Variants in TTC17 observed in about 807,000 individuals in gnomAD.
The protein encoded by TTC17 is tetratricopeptide repeat protein 17.
In TTC17, 58 loss-of-function variants were observed where a neutral mutation model predicts 143.8. The ratio of observed to expected loss-of-function variants is 0.40; its 90% CI spans 0.33 to 0.50. The LOEUF (loss-of-function observed/expected upper bound fraction) is 0.50. TTC17 is among the 20% of genes least tolerant of loss of function. TTC17 has a pLI of 0.49. For missense variants in TTC17, 1,273 were observed against 1,392.5 expected (o/e 0.91, Z 1.37); for synonymous variants, 501 against 497.8 (o/e 1.01, Z -0.09).
At chr11:43,429,165 A>G (rs1337595809) in intron 16 of TTC17, among the ~76,000 whole-genome samples, 2 of 152,226 alleles carry the variant, frequency 1.3e-5, no homozygotes, top group Non-Finnish European at 2.9e-5. Context: ...GTATGCTTAT[A>G]TTAGCAGTGG....
rs1480122001 is a variant in TTC17, at chr11:43,487,326, A to T, written c.3031-2913A>T. Among the ~76,000 whole-genome samples, 6 of 151,942 alleles carry T rather than the reference A, an allele frequency of 3.9e-5. No individual in the cohort carries two copies. The South Asian group carries it at 1.0e-3, about 26-fold the overall frequency. The stretch of plus-strand genomic sequence containing the variant: ...ACACCAGGCTAATTTTTGTATTTTT[A>T]GTATAGACGGGTTTTCAGTGTGTTG... On this transcript the variant is annotated intron_variant, in intron 21 of 23. Transcript: ENST00000039989.
intron 14 of TTC17, 29 bp from the exon 15 acceptor site, chr11:43,407,324 A>G: frequency 1.9e-6 from 3 of 1,602,860 alleles, no homozygotes; most frequent in Non-Finnish European, 1.7e-6. Flanking sequence ...GTATTCTTGT[A>G]CTAACTGAAG....
At chr11:43,458,289 CTCT>C (rs1947801538) in intron 21 of TTC17, among the ~76,000 whole-genome samples, 1 of 152,134 alleles carries the variant, frequency 6.6e-6, no homozygotes, top group South Asian at 2.1e-4. Context: ...TCTACATGGT[CTCT>C]TAAGTACCAT....
chr11:43,490,369 C>T lies in TTC17; in HGVS notation c.3150+11C>T, dbSNP rs1338834325. On this transcript the variant is annotated intron_variant, in intron 22 of 23. Transcript: ENST00000039989. ...CCACACCAGATGAAGGTGAGTGGGA[C>T]TCAGAAGGTGGGAACTTCTGCCCCT... 3 of 1,589,340 alleles carry T rather than the reference C, an allele frequency of 1.9e-6. No homozygotes were observed. The highest frequency in any genetic ancestry group is 2.6e-6 in the Non-Finnish European group (3 of 1,163,754).
chr11:43,378,430 C>G (rs1223494519), intron 1 of TTC17, among the ~76,000 whole-genome samples: 1 of 152,116 alleles, frequency 6.6e-6, no homozygotes, highest in Admixed American at 6.6e-5. Flanking sequence ...TTCCTGTATC[C>G]CATTCCATTG....
intron 16 of TTC17, among the ~76,000 whole-genome samples, chr11:43,424,417 G>GTAA (rs1946977369): frequency 6.6e-6 from 1 of 151,612 alleles, no homozygotes; most frequent in African/African-American, 2.4e-5. Flanking sequence ...TAAAAAACAT[G>GTAA]TAATAATAAT....
intron 1 of TTC17, among the ~76,000 whole-genome samples, chr11:43,375,743 A>G (rs538044444): frequency 2.0e-5 from 3 of 152,242 alleles, no homozygotes; most frequent in African/African-American, 7.2e-5. Context: ...GTTTTCTGCC[A>G]TAAAGAATAA....
At chr11:43,450,404 G>C (rs763203382) in intron 20 of TTC17, among the ~76,000 whole-genome samples, 163 bp downstream of exon 20, 2 of 152,196 alleles carry the variant, frequency 1.3e-5, no homozygotes, top group Non-Finnish European at 2.9e-5. Context: ...ATTTCTTTCA[G>C]GCCCTGGGAC....
chr11:43,381,859 G>T (rs946663256), intron 2 of TTC17, among the ~76,000 whole-genome samples: 4 of 152,174 alleles, frequency 2.6e-5, no homozygotes, highest in Admixed American at 6.5e-5. Flanking sequence ...CAAGGCTGAG[G>T]TTGATATTAG....
intron 16 of TTC17, 43 bp from the exon 17 acceptor site, chr11:43,443,282 G>A: frequency 1.9e-6 from 3 of 1,601,990 alleles, no homozygotes; most frequent in Admixed American, 1.7e-5. Context: ...TCTTGAATGA[G>A]TACTGTGTAC....
intron 21 of TTC17, among the ~76,000 whole-genome samples, chr11:43,469,699 A>G (rs1477748504): frequency 6.6e-6 from 1 of 152,224 alleles, no homozygotes; most frequent in Non-Finnish European, 1.5e-5. Context: ...GGGGGAAGGT[A>G]TTGACTGGAA....
intron 21 of TTC17, among the ~76,000 whole-genome samples, chr11:43,459,068 A>G (rs1590457072): frequency 1.3e-5 from 2 of 152,186 alleles, no homozygotes; most frequent in East Asian, 3.8e-4. Flanking sequence ...CTGTGTATGG[A>G]AGAGACTCCT....
intron 21 of TTC17, among the ~76,000 whole-genome samples, chr11:43,489,600 T>TCCAC (rs1315299639): frequency 1.3e-5 from 2 of 151,728 alleles, no homozygotes; most frequent in African/African-American, 4.8e-5. Context: ...TAGACAGGCG[T>TCCAC]GGTGGTGCAC....
chr11:43,389,538 G>C, intron 2 of TTC17, 114 bp from the exon 3 acceptor site: 1 of 1,040,484 alleles, frequency 9.6e-7, no homozygotes, highest in East Asian at 2.7e-5. Context: ...CAGAATTCTT[G>C]TCTTCCTACA....
chr11:43,483,105 AAATGT>A (rs1483250211), intron 21 of TTC17, among the ~76,000 whole-genome samples: 2 of 152,130 alleles, frequency 1.3e-5, no homozygotes, highest in East Asian at 3.8e-4. Context: ...TTTCTTAGAA[AAATGT>A]AATGTATTAA....
At chr11:43,446,417 T>C (rs1947542897) in intron 18 of TTC17, 1 of 227,884 alleles carries the variant, frequency 4.4e-6, no homozygotes, top group Non-Finnish European at 7.3e-6. Flanking sequence ...GACTGTGAGC[T>C]CAAGAGCAGG....
intron 18 of TTC17, chr11:43,446,787 C>A: frequency 1.7e-6 from 1 of 584,118 alleles, no homozygotes; most frequent in Non-Finnish European, 2.2e-6. Context: ...CAAGACAGTT[C>A]TGCTCTTTTC....
Position 43,385,756 on chromosome 11 carries a change from A to G in TTC17, c.250-3896A>G, listed in dbSNP as rs1428327505. The G allele has an allele frequency of 2.0e-5, 3 of 151,332 alleles. 1 individual carries two copies. Among genetic ancestry groups the G allele is most frequent in the Non-Finnish European group, 4.4e-5 (3 of 67,814 alleles). The allele number at this position is 151,332 out of a possible 1,614,324, so 9.4% of individuals were successfully genotyped here. A position where few individuals can be genotyped will look rare whatever the true frequency, so the allele number is the denominator to read the frequency against. On this transcript the variant is annotated intron_variant, in intron 2 of 23. Coordinates refer to ENST00000039989, the MANE Select transcript of TTC17 (RefSeq NM_018259.6). ...AAGACTGAAAAGAAATGAGTTAAAT[A>G]TTCAACACGAGTTAGAAAACATAAT...
chr11:43,403,474 G>A (rs1857963874), intron 10 of TTC17, among the ~76,000 whole-genome samples: 1 of 152,174 alleles, frequency 6.6e-6, no homozygotes, highest in Admixed American at 6.6e-5. Context: ...AAGGAAGGCT[G>A]TATATGTTTG....
Sources: gnomAD v4.1 joint callset for allele counts (sites outside exome capture counted in the v4.1 genomes callset) on GRCh38, gnomAD v4.1.1 for gene constraint, MANE v1.5 for transcripts, NCBI Gene and HGNC (gene_info 2026-07-23, HGNC 2026-07-21) for gene names.